Variants in WWOX observed in about 807,000 individuals in gnomAD.
WWOX encodes the protein WW domain-containing oxidoreductase.
WWOX carries 69 observed loss-of-function variants against 46.2 expected under a neutral mutation model. The observed-to-expected ratio is 1.49, with a 90% CI of 1.23 to 1.82. The LOEUF (loss-of-function observed/expected upper bound fraction) is 1.82. Among genes scored for constraint, WWOX ranks in the 40% most tolerant of loss-of-function variants. The pLI, the probability that WWOX is intolerant of heterozygous loss-of-function variation, is 0.00. For missense variants in WWOX, 919 were observed against 542.6 expected, an observed-to-expected ratio of 1.69 and a Z score of -6.89; for synonymous variants, 359 against 202.6, an observed-to-expected ratio of 1.77 and a Z score of -6.56.
intron 8 of WWOX, among the ~76,000 whole-genome samples, chr16:78,502,602 G>A (rs749625395): frequency 4.6e-5 from 7 of 152,158 alleles, no homozygotes; most frequent in Non-Finnish European, 7.3e-5. Flanking sequence ...TGGATTTTGT[G>A]TCTATTATGA....
At chr16:79,019,428 G>T (rs1231898091) in intron 8 of WWOX, among the ~76,000 whole-genome samples, 1 of 152,076 alleles carries the variant, frequency 6.6e-6, no homozygotes, top group Non-Finnish European at 1.5e-5. Flanking sequence ...AGTTGTAACA[G>T]TGGTATGTGT....
At chr16:78,590,046 G>A (rs568409229) in intron 8 of WWOX, among the ~76,000 whole-genome samples, 1 of 152,012 alleles carries the variant, frequency 6.6e-6, no homozygotes, top group East Asian at 1.9e-4. Context: ...TAAGTCCTAG[G>A]ATTATAGAAG....
chr16:78,639,378 C>T (rs934144435), intron 8 of WWOX, among the ~76,000 whole-genome samples: 15 of 152,128 alleles, frequency 9.9e-5, no homozygotes, highest in African/African-American at 3.6e-4. Flanking sequence ...TCATAACAGA[C>T]CTGTGGGCTC....
At chr16:78,475,968 A>G (rs919319781) in intron 8 of WWOX, among the ~76,000 whole-genome samples, 6 of 152,152 alleles carry the variant, frequency 3.9e-5, no homozygotes, top group African/African-American at 1.2e-4. Context: ...AAGAGTTTGG[A>G]TTTGGACCTA....
chr16:78,157,127 T>A (rs947009423), intron 4 of WWOX, among the ~76,000 whole-genome samples: 1 of 152,172 alleles, frequency 6.6e-6, no homozygotes, highest in African/African-American at 2.4e-5. Context: ...TTCCTGATCA[T>A]TGCTTTGACC....
Position 78,590,992 on chromosome 16 carries a change from G to C in WWOX, c.1056+158240G>C, listed in dbSNP as rs112697750. 8.5e-5 allele frequency among the ~76,000 whole-genome samples: 13 copies of C among 152,200 alleles called. No homozygotes were observed. The South Asian group carries it at 2.3e-3, about 27-fold the overall frequency. On this transcript the variant is annotated intron_variant, in intron 8 of 8. Coordinates refer to ENST00000566780, the MANE Select transcript of WWOX (RefSeq NM_016373.4). Reference sequence around the variant, plus strand: ...TTGGTTGAGATGCTCTGGGGTACACGTACAAGGCGCTCAACTCACGGTGGC... The same window carrying C: ...TTGGTTGAGATGCTCTGGGGTACACCTACAAGGCGCTCAACTCACGGTGGC...
At chr16:78,745,710 C>T (rs2049332490) in intron 8 of WWOX, among the ~76,000 whole-genome samples, 1 of 151,218 alleles carries the variant, frequency 6.6e-6, no homozygotes, top group Non-Finnish European at 1.5e-5. Context: ...TGCCACACCC[C>T]CTCATAGATT....
intron 6 of WWOX, among the ~76,000 whole-genome samples, chr16:78,397,202 T>C (rs1359754058): frequency 6.6e-6 from 1 of 150,660 alleles, no homozygotes; most frequent in Non-Finnish European, 1.5e-5. Context: ...TATTACCATA[T>C]AGGGAAGCAG....
intron 8 of WWOX, among the ~76,000 whole-genome samples, chr16:78,645,199 G>T (rs1391133476): frequency 1.3e-5 from 2 of 152,062 alleles, no homozygotes; most frequent in East Asian, 3.9e-4. Context: ...TTTCTCTCCT[G>T]CGTGGTCTTG....
rs139492504 is a variant in WWOX, at chr16:78,208,726, A to G, written c.516+44437A>G. Among the ~76,000 whole-genome samples, 695 of 152,344 alleles carry G rather than the reference A, an allele frequency of 4.6e-3. 5 individuals carry two copies. The highest frequency in any genetic ancestry group is 0.016 in the African/African-American group (656 of 41,580). On this transcript the variant is annotated intron_variant, in intron 5 of 8. Transcript: ENST00000566780. Reference sequence around the variant, plus strand: ...GAAATATAGTTTGAAGCTCACTTCAATGGTAAATATAGATTAGTTGTAAAT... The same window carrying G: ...GAAATATAGTTTGAAGCTCACTTCAGTGGTAAATATAGATTAGTTGTAAAT...
At chr16:78,349,890 C>T (rs1215228243) in intron 5 of WWOX, among the ~76,000 whole-genome samples, 1 of 120,808 alleles carries the variant, frequency 8.3e-6, no homozygotes, top group Non-Finnish European at 2.0e-5. Context: ...TCTCATTCCC[C>T]AGAAATAATC....
chr16:78,452,063 A>T (rs2083703168), intron 8 of WWOX, among the ~76,000 whole-genome samples: 1 of 152,142 alleles, frequency 6.6e-6, no homozygotes, highest in Admixed American at 6.5e-5. Flanking sequence ...TCTTTCTTTA[A>T]GTCATGTTAG....
intron 8 of WWOX, among the ~76,000 whole-genome samples, chr16:78,435,947 T>C (rs888049765): frequency 9.9e-5 from 15 of 152,236 alleles, no homozygotes; most frequent in African/African-American, 3.4e-4. Context: ...GTGGGCCACA[T>C]GTGGCTATTG....
chr16:78,469,186 C>T (rs924499452), intron 8 of WWOX, among the ~76,000 whole-genome samples: 3 of 152,184 alleles, frequency 2.0e-5, no homozygotes, highest in Non-Finnish European at 4.4e-5. Context: ...TGGAAATCGT[C>T]AGGGATATTT....
At chr16:78,598,590 A>C (rs973175139) in intron 8 of WWOX, among the ~76,000 whole-genome samples, 1 of 152,250 alleles carries the variant, frequency 6.6e-6, no homozygotes, top group South Asian at 2.1e-4. Context: ...TGACGCCAAC[A>C]CACCTCCTGG....
rs576223396 is a variant in WWOX, at chr16:78,463,166, A to G, written c.1056+30414A>G. 2.0e-5 allele frequency among the ~76,000 whole-genome samples: 3 copies of G among 152,328 alleles called. No individual in the cohort carries two copies. The East Asian group carries it at 5.8e-4, about 29-fold the overall frequency. On this transcript the variant is annotated intron_variant, in intron 8 of 8. Transcript: ENST00000566780. ...GTTGGCATGCCAGAGTGAAAACGCG[A>G]AAGAAAATAAACAGGCAGCACTGAG...
At chr16:79,094,477 C>A (rs1412983189) in intron 8 of WWOX, among the ~76,000 whole-genome samples, 1 of 152,074 alleles carries the variant, frequency 6.6e-6, no homozygotes, top group Admixed American at 6.5e-5. Context: ...GTCCAGAACT[C>A]CTGACCTCAG....
intron 8 of WWOX, among the ~76,000 whole-genome samples, chr16:79,032,581 T>C (rs2047785294): frequency 6.7e-6 from 1 of 148,184 alleles, no homozygotes; most frequent in Non-Finnish European, 1.5e-5. Flanking sequence ...CATATATAAT[T>C]TGGGGGGCAA....
At chr16:78,477,334 T>G (rs1487996992) in intron 8 of WWOX, among the ~76,000 whole-genome samples, 2 of 152,204 alleles carry the variant, frequency 1.3e-5, no homozygotes, top group Non-Finnish European at 2.9e-5. Flanking sequence ...AACCTTTGCA[T>G]AAATCCTTTA....
Sources: gnomAD v4.1 joint callset for allele counts (sites outside exome capture counted in the v4.1 genomes callset) on GRCh38, gnomAD v4.1.1 for gene constraint, MANE v1.5 for transcripts, NCBI Gene and HGNC (gene_info 2026-07-23, HGNC 2026-07-21) for gene names.